The following PTPRD variants were observed in gnomAD, a reference collection of about 807,000 sequenced individuals.
PTPRD encodes receptor-type tyrosine-protein phosphatase delta.
PTPRD carries 34 observed loss-of-function variants against 214.5 expected under a neutral mutation model. The ratio of observed to expected loss-of-function variants is 0.16; its 90% CI spans 0.12 to 0.21. The LOEUF (loss-of-function observed/expected upper bound fraction) is 0.21, where lower values mean the gene tolerates loss of function less well. PTPRD is among the 10% of genes least tolerant of loss of function. The pLI is 1.00. For missense variants in PTPRD, 2,545 were observed against 2,398.7 expected (o/e 1.06, Z -1.27); for synonymous variants, 1,128 against 845.7 (o/e 1.33, Z -5.79).
chr9:9,908,201 A>G (rs930515944), intron 5 of PTPRD, among the ~76,000 whole-genome samples: 2 of 152,034 alleles, frequency 1.3e-5, no homozygotes, highest in African/African-American at 4.8e-5. Flanking sequence ...AATAAAAATT[A>G]AATACCTCTC....
chr9:10,483,567 A>AT (rs918373184), intron 2 of PTPRD, among the ~76,000 whole-genome samples: 3 of 152,154 alleles, frequency 2.0e-5, no homozygotes, highest in African/African-American at 7.2e-5. Context: ...AAGGAAACAA[A>AT]TTAGCAAGCA....
intron 9 of PTPRD, among the ~76,000 whole-genome samples, chr9:9,368,317 ATGTG>A (rs2058451404): frequency 9.9e-6 from 1 of 100,634 alleles, no homozygotes; most frequent in African/African-American, 3.9e-5. Context: ...ATGAGCTCAC[ATGTG>A]AATGAAATAT....
chr9:10,563,211 T>C (rs1480321554), intron 2 of PTPRD, among the ~76,000 whole-genome samples: 1 of 152,172 alleles, frequency 6.6e-6, no homozygotes, highest in Non-Finnish European at 1.5e-5. Flanking sequence ...ATGACTCAAA[T>C]TGAGCCAATA....
intron 8 of PTPRD, among the ~76,000 whole-genome samples, chr9:9,465,960 C>A (rs1450742894): frequency 1.3e-5 from 2 of 151,470 alleles, no homozygotes; most frequent in South Asian, 2.1e-4. Flanking sequence ...TATTTTTTGC[C>A]AGAGATTTCA....
chr9:8,948,967 C>A (rs1272652164), intron 11 of PTPRD, among the ~76,000 whole-genome samples: 1 of 151,920 alleles, frequency 6.6e-6, no homozygotes, highest in Non-Finnish European at 1.5e-5. Flanking sequence ...GGTGTGGTGG[C>A]TCACGCCTGT....
intron 8 of PTPRD, among the ~76,000 whole-genome samples, chr9:9,427,283 C>T (rs978952134): frequency 4.6e-5 from 7 of 151,918 alleles, no homozygotes; most frequent in Admixed American, 1.3e-4. Flanking sequence ...CTTCAGTAGC[C>T]GATTTGATCA....
intron 4 of PTPRD, among the ~76,000 whole-genome samples, chr9:10,031,006 A>G (rs368242376): frequency 6.6e-5 from 10 of 152,188 alleles, no homozygotes; most frequent in Non-Finnish European, 5.9e-5. Context: ...AAAAAACCCA[A>G]TGCAAAATGA....
At chr9:9,183,575 T>C (rs371967651) in intron 9 of PTPRD, among the ~76,000 whole-genome samples, 2 of 152,000 alleles carry the variant, frequency 1.3e-5, no homozygotes, top group African/African-American at 4.8e-5. Flanking sequence ...GAAATCACTA[T>C]TGTTCACAGG....
chr9:10,073,856 A>G (rs1037958187), intron 3 of PTPRD, among the ~76,000 whole-genome samples: 2 of 152,140 alleles, frequency 1.3e-5, no homozygotes, highest in East Asian at 3.9e-4. Flanking sequence ...GAATTTTTGA[A>G]AGATTTTTCA....
intron 6 of PTPRD, among the ~76,000 whole-genome samples, chr9:9,764,274 C>T (rs772838534): frequency 2.0e-5 from 3 of 152,002 alleles, no homozygotes; most frequent in South Asian, 4.1e-4. Context: ...TTTTATAATG[C>T]GGTGTTCCAT....
At chr9:9,751,823 T>C (rs1037544437) in intron 6 of PTPRD, among the ~76,000 whole-genome samples, 1 of 152,072 alleles carries the variant, frequency 6.6e-6, no homozygotes, top group African/African-American at 2.4e-5. Context: ...TGTACTACTT[T>C]GCAATAGCAG....
At chr9:10,004,468 T>C (rs1036392462) in intron 4 of PTPRD, among the ~76,000 whole-genome samples, 1 of 152,016 alleles carries the variant, frequency 6.6e-6, no homozygotes, top group Non-Finnish European at 1.5e-5. Flanking sequence ...TCATTTTCTT[T>C]TCTTTTCACA....
chr9:8,577,176 C>T (rs868004701), intron 14 of PTPRD, among the ~76,000 whole-genome samples: 2 of 152,172 alleles, frequency 1.3e-5, no homozygotes, highest in Non-Finnish European at 1.5e-5. Context: ...TGTGAATACA[C>T]ATCACTTGAG....
intron 7 of PTPRD, among the ~76,000 whole-genome samples, chr9:9,645,405 G>T (rs2096122408): frequency 6.6e-6 from 1 of 150,762 alleles, no homozygotes; most frequent in African/African-American, 2.4e-5. Context: ...TAATATAAGT[G>T]TTGATTTGCT....
intron 30 of PTPRD, among the ~76,000 whole-genome samples, chr9:8,476,101 C>G (rs903858710): frequency 2.0e-5 from 3 of 152,152 alleles, no homozygotes; most frequent in Non-Finnish European, 4.4e-5. Flanking sequence ...TTGCATTTAC[C>G]CTAGTCCAGT....
intron 5 of PTPRD, 57 bp downstream of exon 5, chr9:9,938,450 A>G (rs992888142): frequency 1.1e-4 from 17 of 152,172 alleles, no homozygotes. Flanking sequence ...ATAGAAGTCC[A>G]AAAAATACAC....
Position 9,111,631 on chromosome 9 carries a change from T to A in PTPRD, c.-143+71673A>T, listed in dbSNP as rs191213015. ...AGTGACCTGGATAGAAGAGTACTGG[T>A]GTAACAGTTTTGCCCAAGGGTCTGT... On this transcript the variant is annotated intron_variant, in intron 10 of 45. Coordinates refer to ENST00000381196, the MANE Select transcript of PTPRD (RefSeq NM_002839.4). Among the ~76,000 whole-genome samples the A allele has an allele frequency of 8.1e-4, 124 of 152,290 alleles. 1 individual carries two copies. The highest frequency in any genetic ancestry group is 2.8e-3 in the African/African-American group (115 of 41,580).
chr9:8,737,808 G>C (rs887498699), intron 11 of PTPRD, among the ~76,000 whole-genome samples: 1 of 152,026 alleles, frequency 6.6e-6, no homozygotes. Context: ...GCGCCACCAC[G>C]CCTGGCTAAT....
chr9:10,112,409 A>G (rs528497264), intron 3 of PTPRD, among the ~76,000 whole-genome samples: 1 of 152,230 alleles, frequency 6.6e-6, no homozygotes, highest in East Asian at 1.9e-4. Context: ...TCAATGATGT[A>G]TCTTCCAACT....
Sources: gnomAD v4.1 joint callset for allele counts (sites outside exome capture counted in the v4.1 genomes callset) on GRCh38, gnomAD v4.1.1 for gene constraint, MANE v1.5 for transcripts, NCBI Gene and HGNC (gene_info 2026-07-23, HGNC 2026-07-21) for gene names.